The following GALNTL6 variants were observed in gnomAD, a reference collection of about 807,000 sequenced individuals.
GALNTL6 encodes the protein polypeptide N-acetylgalactosaminyltransferase-like 6.
Under a neutral mutation model 73.7 loss-of-function variants are expected in GALNTL6, and 46 were observed. That is an observed-to-expected ratio of 0.62 (90% CI 0.49 to 0.80). GALNTL6 has a LOEUF of 0.80. Among genes scored for constraint, GALNTL6 ranks in the 30% least tolerant of loss-of-function variants. The pLI is 0.00. For missense variants in GALNTL6, 604 were observed against 755.0 expected (o/e 0.80, Z 2.34); for synonymous variants, 259 against 263.7 (o/e 0.98, Z 0.17).
chr4:171,888,435 G>A (rs1344157177), intron 2 of GALNTL6, among the ~76,000 whole-genome samples: 1 of 151,070 alleles, frequency 6.6e-6, no homozygotes, highest in Non-Finnish European at 1.5e-5. Flanking sequence ...AATGGTTGTA[G>A]CAGTTTTGAT....
rs543013844 is a variant in GALNTL6, at chr4:172,735,991, C to T, written c.554-73370C>T. Among the ~76,000 whole-genome samples the T allele has an allele frequency of 1.2e-4, 19 of 152,148 alleles. No individual in the cohort carries two copies. In the East Asian group the frequency reaches 3.7e-3, roughly 29 times the overall value. On this transcript the variant is annotated intron_variant, in intron 5 of 12. Coordinates refer to ENST00000506823, the MANE Select transcript of GALNTL6 (RefSeq NM_001034845.3). Reference sequence around the variant, plus strand: ...GGGAGTGTACGAATAGGGTGTGGGTCACAGAGATCACATGCTTCAAAGGCA... The same window carrying T: ...GGGAGTGTACGAATAGGGTGTGGGTTACAGAGATCACATGCTTCAAAGGCA...
chr4:173,001,346 A>G (rs957394816), intron 10 of GALNTL6, among the ~76,000 whole-genome samples: 6 of 152,190 alleles, frequency 3.9e-5, no homozygotes, highest in Non-Finnish European at 8.8e-5. Flanking sequence ...AGGTTGTAAA[A>G]TTTACTTTAC....
At chr4:172,129,420 G>C (rs2111014694) in intron 2 of GALNTL6, among the ~76,000 whole-genome samples, 1 of 152,296 alleles carries the variant, frequency 6.6e-6, no homozygotes, top group East Asian at 1.9e-4. Context: ...TTGGTGGCTA[G>C]AGTCCCAAAC....
At position 172,443,829 on chromosome 4, in the gene GALNTL6, T is replaced by C. The variant is rs2111406632; in HGVS notation, c.553+95140T>C. 2.0e-5 allele frequency among the ~76,000 whole-genome samples: 3 copies of C among 152,306 alleles called. No individual in the cohort carries two copies. In the South Asian group the frequency reaches 6.2e-4, roughly 32 times the overall value. ...TATATGGGATCTTTATAAGGACACTTATTCCCTCCAAGGAAAGGTGTGGCC... is the reference window on the plus strand; with the variant it reads ...TATATGGGATCTTTATAAGGACACTCATTCCCTCCAAGGAAAGGTGTGGCC... On this transcript the variant is annotated intron_variant, in intron 5 of 12. Coordinates refer to ENST00000506823, the MANE Select transcript of GALNTL6 (RefSeq NM_001034845.3).
In GALNTL6 at chr4:172,505,524, T is replaced by C. The variant is rs565046011; in HGVS notation, c.553+156835T>C. On this transcript the variant is annotated intron_variant, in intron 5 of 12. Transcript: ENST00000506823. ...TCAAAACAATGGCCTTTCTTGATTTTATAACTATTTCCTATTTAACATTCT... is the reference window on the plus strand; with the variant it reads ...TCAAAACAATGGCCTTTCTTGATTTCATAACTATTTCCTATTTAACATTCT... Among the ~76,000 whole-genome samples, 2 of 55,142 alleles carry C rather than the reference T, an allele frequency of 3.6e-5. 1 individual carries two copies. The highest frequency in any genetic ancestry group is 8.4e-5 in the Non-Finnish European group (2 of 23,848). 36.2% of individuals were successfully genotyped at this position (55,142 alleles called of 152,430 possible).
intron 5 of GALNTL6, among the ~76,000 whole-genome samples, chr4:172,400,009 CATTT>C (rs1467875660): frequency 1.1e-4 from 16 of 152,078 alleles, no homozygotes; most frequent in Admixed American, 9.8e-4. Flanking sequence ...CTGGTTTAGC[CATTT>C]ATTTTTCCTC....
intron 10 of GALNTL6, among the ~76,000 whole-genome samples, chr4:172,963,791 G>A (rs556125831): frequency 2.8e-4 from 42 of 152,338 alleles, no homozygotes; most frequent in African/African-American, 7.7e-4. Flanking sequence ...CGGGTCTGTG[G>A]TCCATTTGAT....
chr4:173,022,066 G>GGAAGGAAGGAAGGAAA (rs1561091643), intron 12 of GALNTL6, among the ~76,000 whole-genome samples: 159 of 118,464 alleles, frequency 1.3e-3, no homozygotes, highest in African/African-American at 4.7e-3. Flanking sequence ...AAGGAAGGAA[G>GGAAGGAAGGAAGGAAA]GAAGGAAGGA....
intron 2 of GALNTL6, among the ~76,000 whole-genome samples, chr4:171,959,542 A>G (rs1055885331): frequency 5.4e-4 from 82 of 151,246 alleles, no homozygotes; most frequent in Non-Finnish European, 1.5e-4. Context: ...GTCTTCTTTT[A>G]GAATTTGTAT....
rs559229169 is a variant in GALNTL6 at position 172,729,532 on chromosome 4, T to C, written c.554-79829T>C. On this transcript the variant is annotated intron_variant, in intron 5 of 12. Coordinates refer to ENST00000506823, the MANE Select transcript of GALNTL6 (RefSeq NM_001034845.3). ...AAGTTTTTGGTGCCTAAGTTGAAGATAAGCAGGCTGTAAGTGCATGGATTT... is the reference window on the plus strand; with the variant it reads ...AAGTTTTTGGTGCCTAAGTTGAAGACAAGCAGGCTGTAAGTGCATGGATTT... Among the ~76,000 whole-genome samples the C allele has an allele frequency of 5.0e-4, 76 of 152,344 alleles. No individual in the cohort carries two copies. The South Asian group carries it at 0.015, about 29-fold the overall frequency.
intron 5 of GALNTL6, among the ~76,000 whole-genome samples, chr4:172,710,450 T>C (rs1734633194): frequency 6.6e-6 from 1 of 152,142 alleles, no homozygotes; most frequent in South Asian, 2.1e-4. Flanking sequence ...CATGGAAATA[T>C]TATAAATCAA....
intron 5 of GALNTL6, among the ~76,000 whole-genome samples, chr4:172,381,423 C>T (rs1743280835): frequency 6.6e-6 from 1 of 152,100 alleles, no homozygotes; most frequent in Non-Finnish European, 1.5e-5. Context: ...GCAGTCACTC[C>T]CATTCCTCCC....
chr4:172,734,937 A>G (rs1300116018), intron 5 of GALNTL6, among the ~76,000 whole-genome samples: 1 of 152,210 alleles, frequency 6.6e-6, no homozygotes, highest in Non-Finnish European at 1.5e-5. Context: ...ACAGAAGTCA[A>G]GTATTAAGGT....
intron 2 of GALNTL6, among the ~76,000 whole-genome samples, chr4:171,938,004 T>TTG (rs1738404623): frequency 6.6e-6 from 1 of 152,178 alleles, no homozygotes; most frequent in East Asian, 1.9e-4. Context: ...CTGCCATGTG[T>TTG]TGTGTGTGTA....
At chr4:171,991,278 T>C (rs949239594) in intron 2 of GALNTL6, among the ~76,000 whole-genome samples, 1 of 152,104 alleles carries the variant, frequency 6.6e-6, no homozygotes, top group African/African-American at 2.4e-5. Context: ...GAGGTATGAA[T>C]AGGAAGGTGT....
chr4:171,921,269 T>C (rs1737778108), intron 2 of GALNTL6, among the ~76,000 whole-genome samples: 1 of 152,096 alleles, frequency 6.6e-6, no homozygotes, highest in African/African-American at 2.4e-5. Context: ...AAATACTTAC[T>C]GACTATGTGT....
chr4:172,337,261 C>CTTCAAGGTTACACCATGTACA (rs1741368585), intron 4 of GALNTL6, among the ~76,000 whole-genome samples: 1 of 151,892 alleles, frequency 6.6e-6, no homozygotes, highest in African/African-American at 2.4e-5. Flanking sequence ...GACCATGTAC[C>CTTCAAGGTTACACCATGTACA]TTCAAGGTTA....
chr4:172,253,898 T>C (rs1737966592), intron 3 of GALNTL6, among the ~76,000 whole-genome samples: 1 of 151,868 alleles, frequency 6.6e-6, no homozygotes, highest in Admixed American at 6.6e-5. Flanking sequence ...AAGATGTGTA[T>C]TATTGGTGAA....
At position 171,967,299 on chromosome 4, in the gene GALNTL6, C is replaced by T. The variant is rs139012974; in HGVS notation, c.138+152581C>T. ...TTTCATGTTTGGGCTTTGTGGTAAACGATGGATCATGGCCTTCCATTAAAA... is the reference window on the plus strand; with the variant it reads ...TTTCATGTTTGGGCTTTGTGGTAAATGATGGATCATGGCCTTCCATTAAAA... On this transcript the variant is annotated intron_variant, in intron 2 of 12. Coordinates refer to ENST00000506823, the MANE Select transcript of GALNTL6 (RefSeq NM_001034845.3). Among the ~76,000 whole-genome samples, 278 of 152,240 alleles carry T rather than the reference C, an allele frequency of 1.8e-3. 3 individuals carry two copies. Among genetic ancestry groups the T allele is most frequent in the Admixed American group, 0.012 (191 of 15,286 alleles).
Sources: gnomAD v4.1 joint callset for allele counts (sites outside exome capture counted in the v4.1 genomes callset) on GRCh38, gnomAD v4.1.1 for gene constraint, MANE v1.5 for transcripts, NCBI Gene and HGNC (gene_info 2026-07-23, HGNC 2026-07-21) for gene names.